Variants in SYNPO2 observed in about 807,000 individuals in gnomAD.
The protein encoded by SYNPO2 is synaptopodin 2, also known as synaptopodin-2.
In SYNPO2, 56 loss-of-function variants were observed where a neutral mutation model predicts 85.0. That is an observed-to-expected ratio of 0.66 (90% CI 0.53 to 0.82). SYNPO2 has a LOEUF of 0.82. Ranked by LOEUF, SYNPO2 falls within the 40% of genes least tolerant of loss-of-function variation. SYNPO2 has a pLI of 0.00. For missense variants in SYNPO2, 1,575 were observed against 1,534.2 expected (o/e 1.03, Z -0.44); for synonymous variants, 602 against 591.1 (o/e 1.02, Z -0.27).
chr4:118,880,220 C>A (rs950225390), intron 1 of SYNPO2, among the ~76,000 whole-genome samples: 1 of 152,148 alleles, frequency 6.6e-6, no homozygotes, highest in African/African-American at 2.4e-5. Flanking sequence ...AAAAATTATT[C>A]TGTCTGGTCA....
upstream of SYNPO2, chr4:118,888,725 C>G: frequency 2.6e-6 from 1 of 388,328 alleles, no homozygotes; most frequent in South Asian, 3.2e-5. Flanking sequence ...CACGTGAGGA[C>G]ATTCTCCTGT....
chr4:119,008,136 T>G (rs1444629247), intron 1 of SYNPO2, among the ~76,000 whole-genome samples: 5 of 152,236 alleles, frequency 3.3e-5, no homozygotes, highest in Non-Finnish European at 4.4e-5. Flanking sequence ...GTACAGTAAC[T>G]TGCACATATT....
intron 1 of SYNPO2, among the ~76,000 whole-genome samples, chr4:118,961,028 TC>T (rs1170728983): frequency 1.3e-5 from 2 of 151,678 alleles, no homozygotes; most frequent in Non-Finnish European, 2.9e-5. Context: ...TAGCTTCCTA[TC>T]GCCCCTAATA....
intron 1 of SYNPO2, among the ~76,000 whole-genome samples, chr4:118,875,035 G>T (rs1458022068): frequency 6.6e-6 from 1 of 152,120 alleles, no homozygotes; most frequent in Non-Finnish European, 1.5e-5. Context: ...AGGCCCCATT[G>T]TGTGTTGTTC....
intron 1 of SYNPO2, among the ~76,000 whole-genome samples, chr4:118,870,256 C>T (rs538974346): frequency 6.6e-6 from 1 of 152,348 alleles, no homozygotes; most frequent in East Asian, 1.9e-4. Flanking sequence ...CATTTCCTTC[C>T]AGAAACTCTC....
intron 1 of SYNPO2, among the ~76,000 whole-genome samples, chr4:118,883,789 GGGCTCT>G (rs1187638202): frequency 6.6e-6 from 1 of 151,622 alleles, no homozygotes; most frequent in Non-Finnish European, 1.5e-5. Flanking sequence ...TCTTTGATCA[GGGCTCT>G]GGTTTCATTT....
intron 4 of SYNPO2, among the ~76,000 whole-genome samples, chr4:119,054,954 C>T (rs1328822628): frequency 6.6e-6 from 1 of 152,152 alleles, no homozygotes; most frequent in Non-Finnish European, 1.5e-5. Flanking sequence ...CTGTAGACCA[C>T]TGTTGTTCTA....
At chr4:119,001,602 G>C (rs1384338074) in intron 1 of SYNPO2, among the ~76,000 whole-genome samples, 2 of 152,026 alleles carry the variant, frequency 1.3e-5, no homozygotes, top group African/African-American at 4.8e-5. Context: ...AAAATGCAAG[G>C]ATTTATTGAA....
chr4:118,879,857 T>C (rs7695141), intron 1 of SYNPO2, among the ~76,000 whole-genome samples: 15,560 of 152,032 alleles, frequency 0.1, 1,029 homozygotes, highest in Non-Finnish European at 0.14. Flanking sequence ...CTGCCCTTGA[T>C]GTCCCGCCTC....
At chr4:118,983,087 G>A (rs1313841922) in intron 1 of SYNPO2, among the ~76,000 whole-genome samples, 3 of 152,114 alleles carry the variant, frequency 2.0e-5, no homozygotes, top group Non-Finnish European at 4.4e-5. Flanking sequence ...AGAAACTCAT[G>A]GAACACAGAG....
chr4:118,867,455 A>C (rs1484383302), intron 1 of SYNPO2, among the ~76,000 whole-genome samples: 1 of 113,552 alleles, frequency 8.8e-6, no homozygotes, highest in African/African-American at 2.7e-5. Flanking sequence ...TGTGGTTCCT[A>C]TTAGTTTCTT....
At chr4:118,915,938 C>A (rs1733302761) in intron 1 of SYNPO2, among the ~76,000 whole-genome samples, 1 of 152,102 alleles carries the variant, frequency 6.6e-6, no homozygotes, top group East Asian at 1.9e-4. Context: ...TTCATGACTA[C>A]CACGTAAATT....
intron 4 of SYNPO2, among the ~76,000 whole-genome samples, chr4:119,056,472 G>T (rs1322382834): frequency 6.6e-6 from 1 of 152,032 alleles, no homozygotes; most frequent in Non-Finnish European, 1.5e-5. Context: ...CAGGAGGATT[G>T]CTTGAGCCCA....
rs371146358 is a variant in SYNPO2, at chr4:119,002,592, C to T, written c.106-20838C>T. ...CATCTTTCCTGGAGTCTTCTACCCT[C>T]CTCTAATTTAAGTTGGTGACTCTCT... is the stretch of plus-strand genomic sequence containing the variant. On this transcript the variant is annotated intron_variant, in intron 1 of 4. Coordinates refer to ENST00000307142, the MANE Select transcript of SYNPO2 (RefSeq NM_133477.3). 4.6e-5 allele frequency among the ~76,000 whole-genome samples: 7 copies of T among 152,282 alleles called. No individual in the cohort carries two copies. In the East Asian group the frequency reaches 5.8e-4, roughly 13 times the overall value.
At chr4:118,991,685 A>G (rs147851068) in intron 1 of SYNPO2, among the ~76,000 whole-genome samples, 6 of 152,238 alleles carry the variant, frequency 3.9e-5, no homozygotes, top group Non-Finnish European at 7.4e-5. Flanking sequence ...GAGATGCCTG[A>G]ATGGTGCTTG....
chr4:119,033,427 T>C, intron 4 of SYNPO2: 1 of 985,438 alleles, frequency 1.0e-6, no homozygotes, highest in Non-Finnish European at 1.2e-6. Flanking sequence ...AAGTGAATAA[T>C]GGTACTGAAA....
chr4:119,045,152 A>G (rs1455238500), intron 4 of SYNPO2, among the ~76,000 whole-genome samples: 1 of 152,228 alleles, frequency 6.6e-6, no homozygotes, highest in Non-Finnish European at 1.5e-5. Flanking sequence ...AATTTTGCTT[A>G]AGGGCTATTA....
chr4:118,852,202 G>T (rs1433058798), intron 1 of SYNPO2, among the ~76,000 whole-genome samples: 1 of 152,114 alleles, frequency 6.6e-6, no homozygotes, highest in Non-Finnish European at 1.5e-5. Flanking sequence ...AATGGCTGTT[G>T]TTAAAGAGAA....
chr4:118,992,680 C>T (rs59546216), intron 1 of SYNPO2, among the ~76,000 whole-genome samples: 2,973 of 151,296 alleles, frequency 0.02, 86 homozygotes, highest in African/African-American at 0.068. Flanking sequence ...CATCCCTGAG[C>T]CCTCTCCATG....
Sources: allele counts gnomAD v4.1 joint callset (sites outside exome capture counted in the v4.1 genomes callset), GRCh38; gene constraint gnomAD v4.1.1; transcripts MANE v1.5; gene names NCBI Gene and HGNC (gene_info 2026-07-23, HGNC 2026-07-21).